The following PTPRU variants were observed in gnomAD, a reference collection of about 807,000 sequenced individuals.
PTPRU encodes the protein protein tyrosine phosphatase receptor type U.
Under a neutral mutation model 166.3 loss-of-function variants are expected in PTPRU, and 69 were observed. The observed-to-expected ratio is 0.41, with a 90% confidence interval of 0.34 to 0.51. The LOEUF (loss-of-function observed/expected upper bound fraction) is 0.51. PTPRU is among the 20% of genes least tolerant of loss of function. The pLI is 0.09. For missense variants in PTPRU, 1,657 were observed against 2,013.7 expected, an observed-to-expected ratio of 0.82 and a Z score of 3.39; for synonymous variants, 793 against 814.0, an observed-to-expected ratio of 0.97 and a Z score of 0.44.
rs1228647727 is a variant in PTPRU, at chr1:29,237,687, C to G, written c.73+970C>G. Among the ~76,000 whole-genome samples, 1 of 150,818 alleles carries G rather than the reference C, an allele frequency of 6.6e-6. No individual in the cohort carries two copies. Among genetic ancestry groups the G allele is most frequent in the Non-Finnish European group, 1.5e-5 (1 of 67,746 alleles). On this transcript the variant is annotated intron_variant, in intron 1 of 29. Coordinates refer to ENST00000373779, the MANE Select transcript of PTPRU (RefSeq NM_133178.4). The surrounding 1 kb of genome is among the most constrained non-coding windows in gnomAD (Gnocchi z 6.4). ...GGACCGGGCCCCGCGGCCGCCGCCT[C>G]GGGCATGTCGGACTGTTTGTTGTTT...
chr1:29,324,236 G>C (rs370097701), intron 28 of PTPRU, among the ~76,000 whole-genome samples: 7 of 152,212 alleles, frequency 4.6e-5, no homozygotes, highest in African/African-American at 1.7e-4. Flanking sequence ...TCTGGGTGCA[G>C]TCACTCCTTT....
intron 7 of PTPRU, among the ~76,000 whole-genome samples, chr1:29,268,079 C>T (rs1471654220): frequency 6.6e-6 from 1 of 152,158 alleles, no homozygotes; most frequent in East Asian, 1.9e-4. Flanking sequence ...CTGGAGCGGA[C>T]TGTGGTGGCA....
intron 11 of PTPRU, among the ~76,000 whole-genome samples, chr1:29,281,486 G>A (rs1247408463): frequency 6.6e-6 from 1 of 152,118 alleles, no homozygotes; most frequent in Non-Finnish European, 1.5e-5. Context: ...TTGGTGGGAG[G>A]GGAGCGGCAA....
At position 29,260,077 on chromosome 1, in the gene PTPRU, C is replaced by A; in HGVS notation, c.850+33C>A. ...GGTGGACGCCGGGGAGCGCCGGGAC[C>A]TCACCCTCGAGGGGCGGGGCCGGCG... On this transcript the variant is annotated intron_variant, in intron 6 of 29. Transcript: ENST00000373779. This position sits in a 1 kb window ranked among gnomAD's most constrained non-coding sequence, Gnocchi z 8.3. 3 of 1,375,224 alleles carry A rather than the reference C, an allele frequency of 2.2e-6. No homozygotes were observed. Among genetic ancestry groups the A allele is most frequent in the African/African-American group, 3.0e-5 (2 of 65,696 alleles). 85.2% of individuals were successfully genotyped at this position (1,375,224 alleles called of 1,614,324 possible). A position where few individuals can be genotyped will look rare whatever the true frequency, so the allele number is the denominator to read the frequency against.
chr1:29,298,262 CAAAAAAAAAAAGACAA>C (rs1365114830), intron 15 of PTPRU, among the ~76,000 whole-genome samples: 1 of 109,330 alleles, frequency 9.1e-6, no homozygotes, highest in Non-Finnish European at 2.1e-5. Context: ...GACTCTGTCT[CAAAAAAAAAAAGACAA>C]AAAAAAAAAA....
At chr1:29,272,352 A>G (rs981592277) in intron 7 of PTPRU, among the ~76,000 whole-genome samples, 4 of 152,150 alleles carry the variant, frequency 2.6e-5, no homozygotes, top group African/African-American at 9.7e-5. Flanking sequence ...GGAGCCAGTC[A>G]GGAGGCAGGC....
At position 29,237,303 on chromosome 1, in the gene PTPRU, G is replaced by T. The variant is rs1051975994; in HGVS notation, c.73+586G>T. On this transcript the variant is annotated intron_variant, in intron 1 of 29. Transcript: ENST00000373779. This position sits in a 1 kb window ranked among gnomAD's most constrained non-coding sequence, Gnocchi z 6.4. Reference sequence around the variant, plus strand: ...GGGTCCGGAACGTGTGTGTCCGTGCGCTGTGTACGTGTGGGGAGTGTCTAG... The same window carrying T: ...GGGTCCGGAACGTGTGTGTCCGTGCTCTGTGTACGTGTGGGGAGTGTCTAG... Among the ~76,000 whole-genome samples the T allele has an allele frequency of 2.6e-5, 4 of 152,020 alleles. No homozygotes were observed. Among genetic ancestry groups the T allele is most frequent in the Admixed American group, 2.6e-4 (4 of 15,278 alleles).
chr1:29,252,505 C>T (rs530436664), intron 1 of PTPRU, among the ~76,000 whole-genome samples: 2 of 152,118 alleles, frequency 1.3e-5, no homozygotes, highest in Admixed American at 6.5e-5. Flanking sequence ...TGACCTCAGG[C>T]GATCTGCCTG....
In PTPRU at chr1:29,320,542, A is replaced by T; in HGVS notation, c.3688-143A>T. 1 of 961,050 alleles carries T rather than the reference A, an allele frequency of 1.0e-6. No individual in the cohort carries two copies. The highest frequency in any genetic ancestry group is 1.4e-6 in the Non-Finnish European group (1 of 696,420). The allele number at this position is 961,050 out of a possible 1,614,324, so 59.5% of individuals were successfully genotyped here. ...CTCAGTGTGCCAACCAACATCAGAAATGGCCCACTGGAGGCAGCCTGGTCC... is the reference window on the plus strand; with the variant it reads ...CTCAGTGTGCCAACCAACATCAGAATTGGCCCACTGGAGGCAGCCTGGTCC... On this transcript the variant is annotated intron_variant, in intron 25 of 29. Coordinates refer to ENST00000373779, the MANE Select transcript of PTPRU (RefSeq NM_133178.4). The surrounding 1 kb of genome is among the most constrained non-coding windows in gnomAD (Gnocchi z 5.2).
At chr1:29,306,243 G>C (rs1382067749) in intron 18 of PTPRU, among the ~76,000 whole-genome samples, 3 of 152,226 alleles carry the variant, frequency 2.0e-5, no homozygotes, top group Non-Finnish European at 2.9e-5. Flanking sequence ...AAAGAGAGGT[G>C]ATGAGTCTAC....
chr1:29,303,830 C>T, intron 15 of PTPRU, 25 bp from the exon 16 acceptor site: 1 of 1,583,730 alleles, frequency 6.3e-7, no homozygotes, highest in East Asian at 2.3e-5. Flanking sequence ...GTGTCAAGAA[C>T]CCTTTTGTCT....
chr1:29,237,321 G>A lies in PTPRU; in HGVS notation c.73+604G>A, dbSNP rs571626289. ...TCCGTGCGCTGTGTACGTGTGGGGA[G>A]TGTCTAGGGTATGTGGTGTGTGCTG... On this transcript the variant is annotated intron_variant, in intron 1 of 29. Transcript: ENST00000373779. The surrounding 1 kb of genome is among the most constrained non-coding windows in gnomAD (Gnocchi z 6.4). Among the ~76,000 whole-genome samples, 1 of 152,252 alleles carries A rather than the reference G, an allele frequency of 6.6e-6. No individual in the cohort carries two copies. Among genetic ancestry groups the A allele is most frequent in the South Asian group, 2.1e-4 (1 of 4,828 alleles).
Position 29,282,831 on chromosome 1 carries a change from C to G in PTPRU, c.2024C>G (p.Pro675Arg). Residue 675 changes from proline (P) to arginine (R), a missense_variant, in exon 12 of 30, where the codon CCT becomes CGT. Pro to Arg is a moderately radical substitution (Grantham distance 103). Transcript: ENST00000373779. Reference sequence around the variant, plus strand: ...GCCGAACTGGCGGCCAGCAGTCTACCTGAGGCCATGCCCTTTACCGTGGGT... The same window carrying G: ...GCCGAACTGGCGGCCAGCAGTCTACGTGAGGCCATGCCCTTTACCGTGGGT... Reference protein sequence around the residue: ...FGAELAASSLPEAMPFTVGDN... With the variant: ...FGAELAASSLREAMPFTVGDN... 6.2e-7 allele frequency: 1 copy of G among 1,614,158 alleles called. No individual in the cohort carries two copies. Among genetic ancestry groups the G allele is most frequent in the South Asian group, 1.1e-5 (1 of 91,086 alleles).
chr1:29,299,862 GA>G (rs1265834434), intron 15 of PTPRU, among the ~76,000 whole-genome samples: 9 of 152,096 alleles, frequency 5.9e-5, no homozygotes, highest in Non-Finnish European at 5.9e-5. Context: ...GTGCGTTACG[GA>G]CACTCCTTGG....
intron 29 of PTPRU, 97 bp downstream of exon 29, chr1:29,325,423 A>G: frequency 2.0e-6 from 3 of 1,533,012 alleles, no homozygotes; most frequent in Non-Finnish European, 2.7e-6. Flanking sequence ...GGGCCCCACC[A>G]CTGGGCCTTG....
chr1:29,299,740 C>T (rs530892175), intron 15 of PTPRU, among the ~76,000 whole-genome samples: 16 of 152,308 alleles, frequency 1.1e-4, no homozygotes, highest in East Asian at 3.9e-4. Context: ...GTGGAGCTGT[C>T]GGCCCACTTT....
Position 29,255,393 on chromosome 1 carries a change from G to A in PTPRU, c.192G>A (p.Ala64=), listed in dbSNP as rs775871361. 1.5e-5 allele frequency: 25 copies of A among 1,614,124 alleles called. No individual in the cohort carries two copies. The East Asian group carries it at 2.5e-4, about 16-fold the overall frequency. The change falls in exon 2 of 30, where the codon GCG becomes GCA. Residue 64 remains alanine, a synonymous_variant. Transcript: ENST00000373779. ...TCCACCCTGGCACCCGGGCACCTGC[G>A]GACCTGCCCCACGGTAAGTCTACTC... ...VRIHPGTRAP[A]DLPHGSYLMV...
At chr1:29,277,302 T>C (rs1484463212) in intron 8 of PTPRU, among the ~76,000 whole-genome samples, 2 of 152,204 alleles carry the variant, frequency 1.3e-5, no homozygotes, top group East Asian at 1.9e-4. Flanking sequence ...GGTTTCATCA[T>C]GTTGGCCAGG....
intron 14 of PTPRU, among the ~76,000 whole-genome samples, chr1:29,290,317 G>T (rs1686567842): frequency 6.6e-6 from 1 of 152,208 alleles, no homozygotes; most frequent in South Asian, 2.1e-4. Context: ...ACAGCTCTGA[G>T]AAATAGGAGC....
Sources: gnomAD v4.1 joint callset for allele counts (sites outside exome capture counted in the v4.1 genomes callset) on GRCh38, gnomAD v4.1.1 for gene constraint, Gnocchi (gnomAD v3.1) non-coding constraint, MANE v1.5 for transcripts, NCBI Gene and HGNC (gene_info 2026-07-23, HGNC 2026-07-21) for gene names.